Variants in SCUBE1 observed in about 807,000 individuals in gnomAD.
SCUBE1 encodes the protein signal peptide, CUB domain and EGF like domain containing 1.
A neutral mutation model predicts 124.4 loss-of-function variants in SCUBE1; 59 were observed. The ratio of observed to expected loss-of-function variants is 0.47; its 90% CI spans 0.38 to 0.59. SCUBE1 has a LOEUF of 0.59. SCUBE1 is among the 20% of genes least tolerant of loss of function. The pLI is 0.00. For missense variants in SCUBE1, 1,150 were observed against 1,371.2 expected, an observed-to-expected ratio of 0.84 and a Z score of 2.55; for synonymous variants, 545 against 550.9, an observed-to-expected ratio of 0.99 and a Z score of 0.15.
chr22:43,275,414 G>A (rs1924465190), intron 4 of SCUBE1, among the ~76,000 whole-genome samples: 1 of 152,200 alleles, frequency 6.6e-6, no homozygotes, highest in Non-Finnish European at 1.5e-5. Context: ...TCCCTCATGA[G>A]ATGGTCTCAT....
At chr22:43,315,642 G>T (rs564814245) in intron 3 of SCUBE1, among the ~76,000 whole-genome samples, 68 of 150,884 alleles carry the variant, frequency 4.5e-4, no homozygotes, top group Non-Finnish European at 8.7e-4. Context: ...GTTGGGAAGG[G>T]TCTGCCCTCA....
At chr22:43,290,114 C>T (rs1481567690) in intron 4 of SCUBE1, among the ~76,000 whole-genome samples, 1 of 152,226 alleles carries the variant, frequency 6.6e-6, no homozygotes, top group South Asian at 2.1e-4. Flanking sequence ...ACAGCACACT[C>T]TGCTTTGGTA....
intron 4 of SCUBE1, among the ~76,000 whole-genome samples, chr22:43,281,364 T>C (rs1436401994): frequency 2.9e-5 from 1 of 34,308 alleles, no homozygotes; most frequent in Non-Finnish European, 4.9e-5. Flanking sequence ...GTCACCTCCC[T>C]TGGCCACCCT....
At chr22:43,297,479 C>T (rs573626808) in intron 3 of SCUBE1, among the ~76,000 whole-genome samples, 1 of 152,374 alleles carries the variant, frequency 6.6e-6, no homozygotes, top group African/African-American at 2.4e-5. Context: ...TGCCCATCTC[C>T]ACTCGGTCCT....
At chr22:43,272,902 C>T (rs553165039) in intron 4 of SCUBE1, among the ~76,000 whole-genome samples, 8 of 152,342 alleles carry the variant, frequency 5.3e-5, no homozygotes, top group Admixed American at 2.0e-4. Context: ...CTGGGTCACG[C>T]GGCTGTGACT....
At chr22:43,276,503 G>A (rs1041434526) in intron 4 of SCUBE1, among the ~76,000 whole-genome samples, 3 of 152,184 alleles carry the variant, frequency 2.0e-5, no homozygotes, top group Non-Finnish European at 4.4e-5. Context: ...CCAGGAGATT[G>A]GCCTTGTGGC....
chr22:43,271,597 C>T (rs917753391), intron 4 of SCUBE1, among the ~76,000 whole-genome samples: 1 of 152,074 alleles, frequency 6.6e-6, no homozygotes, highest in Non-Finnish European at 1.5e-5. Flanking sequence ...TCTCGCGGTG[C>T]GGCCTCGGCT....
intron 14 of SCUBE1, among the ~76,000 whole-genome samples, chr22:43,220,140 C>A (rs529956851): frequency 1.3e-5 from 2 of 152,210 alleles, no homozygotes; most frequent in East Asian, 3.9e-4. Flanking sequence ...GGGGCTGCAC[C>A]TATTTGTCCT....
At chr22:43,214,638 G>A (rs11912276) in intron 15 of SCUBE1, among the ~76,000 whole-genome samples, 2,582 of 152,240 alleles carry the variant, frequency 0.017, 58 homozygotes, top group African/African-American at 0.056. Context: ...ATTTCACCCC[G>A]AAGCTCCCCT....
rs73886538 is a variant in SCUBE1, at chr22:43,258,640, G to T, written c.611-305C>A. On this transcript the variant is annotated intron_variant, in intron 5 of 21. Transcript: ENST00000360835. This position sits in a 1 kb window ranked among gnomAD's most constrained non-coding sequence, Gnocchi z 5.0. ...GCTCAGATGGTGGTAGATGAAGACA[G>T]CTTCATCCTTCTCAGACTGCAGGAC... is the stretch of plus-strand genomic sequence containing the variant. Among the ~76,000 whole-genome samples, 1,266 of 152,328 alleles carry T rather than the reference G, an allele frequency of 8.3e-3. 23 individuals carry two copies. The highest frequency in any genetic ancestry group is 0.03 in the African/African-American group (1,228 of 41,568).
intron 2 of SCUBE1, among the ~76,000 whole-genome samples, chr22:43,326,024 C>A (rs1465698305): frequency 6.6e-6 from 1 of 151,654 alleles, no homozygotes; most frequent in African/African-American, 2.4e-5. Flanking sequence ...TCTAAAAGAT[C>A]CTATTGCAAT....
intron 8 of SCUBE1, among the ~76,000 whole-genome samples, chr22:43,229,581 T>A (rs1158533929): frequency 1.3e-5 from 2 of 152,156 alleles, no homozygotes; most frequent in Non-Finnish European, 2.9e-5. Context: ...GGGAGGCAGC[T>A]GACTTGGGAC....
chr22:43,261,904 C>T (rs1279347443), intron 5 of SCUBE1, among the ~76,000 whole-genome samples: 1 of 152,206 alleles, frequency 6.6e-6, no homozygotes, highest in Non-Finnish European at 1.5e-5. Context: ...CCACCATCTC[C>T]CCCACGTAGC....
At chr22:43,265,800 A>T (rs1436487010) in intron 4 of SCUBE1, among the ~76,000 whole-genome samples, 1 of 152,246 alleles carries the variant, frequency 6.6e-6, no homozygotes, top group Non-Finnish European at 1.5e-5. Flanking sequence ...AAAACAAGAT[A>T]AAAAACTTGT....
Position 43,212,327 on chromosome 22 carries a change from G to T in SCUBE1, c.2221+98C>A. The T allele has an allele frequency of 3.0e-6, 4 of 1,347,414 alleles. No homozygotes were observed. The South Asian group carries it at 4.3e-5, about 14-fold the overall frequency. 83.5% of individuals were successfully genotyped at this position (1,347,414 alleles called of 1,614,324 possible). A position where few individuals can be genotyped will look rare whatever the true frequency, so the allele number is the denominator to read the frequency against. On this transcript the variant is annotated intron_variant, in intron 17 of 21. Transcript: ENST00000360835. ...GCTCCTCCTCTGAGCTGGGAGGTTC[G>T]CCACATGGAGGAGATGAGAGGGGTT...
intron 3 of SCUBE1, among the ~76,000 whole-genome samples, chr22:43,310,331 C>T (rs757541982): frequency 3.3e-5 from 5 of 152,138 alleles, no homozygotes; most frequent in Admixed American, 6.5e-5. Flanking sequence ...TTACCCCCCT[C>T]ATTGGTGGAG....
intron 10 of SCUBE1, among the ~76,000 whole-genome samples, chr22:43,224,269 A>G (rs1922218829): frequency 6.6e-6 from 1 of 152,034 alleles, no homozygotes; most frequent in South Asian, 2.1e-4. Context: ...GTGTGACAAC[A>G]CTCTGAGCTC....
chr22:43,206,067 C>G (rs897531354), intron 21 of SCUBE1, among the ~76,000 whole-genome samples: 2 of 144,410 alleles, frequency 1.4e-5, no homozygotes, highest in Non-Finnish European at 3.0e-5. Context: ...CACACACCCT[C>G]ACCTCCATCG....
intron 3 of SCUBE1, among the ~76,000 whole-genome samples, chr22:43,310,322 TACCCCCCTC>T (rs928125333): frequency 7.9e-5 from 12 of 152,148 alleles, no homozygotes; most frequent in Admixed American, 3.3e-4. Context: ...AGACCTCTGT[TACCCCCCTC>T]ATTGGTGGAG....
Sources: allele counts gnomAD v4.1 joint callset (sites outside exome capture counted in the v4.1 genomes callset), GRCh38; gene constraint gnomAD v4.1.1; non-coding constraint Gnocchi (gnomAD v3.1); transcripts MANE v1.5; gene names NCBI Gene and HGNC (gene_info 2026-07-23, HGNC 2026-07-21).